FHOD3: variants seen among roughly 807,000 people sequenced by gnomAD.
FHOD3 encodes formin homology 2 domain containing 3.
FHOD3 carries 90 observed loss-of-function variants against 173.0 expected under a neutral mutation model. The observed-to-expected ratio is 0.52, with a 90% confidence interval of 0.44 to 0.62. The LOEUF is 0.62. Among genes scored for constraint, FHOD3 ranks in the 20% least tolerant of loss-of-function variants. The probability of loss-of-function intolerance (pLI) is 0.00; values close to 1 mark genes in which losing one functional copy is unlikely to be tolerated. For synonymous variants in FHOD3, 828 were observed against 823.0 expected (o/e 1.01, Z -0.10); for missense variants, 1,945 against 2,034.7 (o/e 0.96, Z 0.85).
chr18:36,691,947 A>C, intron 16 of FHOD3, among the ~76,000 whole-genome samples: 1 of 152,256 alleles, frequency 6.6e-6, no homozygotes, highest in East Asian at 1.9e-4. Flanking sequence ...TAAATATGCC[A>C]GGCAGTAAAT....
rs1395655861 is a variant in FHOD3, at chr18:36,516,163, G to A, written c.511+3620G>A. The stretch of plus-strand genomic sequence containing the variant: ...CTGCTGGCAGCCACTGGACATTTGC[G>A]ATCAAGAACAACCTTTGAATTACCT... On this transcript the variant is annotated intron_variant, in intron 5 of 28. Transcript: ENST00000590592. Among the ~76,000 whole-genome samples, 6 of 152,144 alleles carry A rather than the reference G, an allele frequency of 3.9e-5. No individual in the cohort carries two copies. The East Asian group carries it at 7.7e-4, about 20-fold the overall frequency.
chr18:36,631,380 T>C (rs1186425583), intron 10 of FHOD3, among the ~76,000 whole-genome samples: 2 of 152,230 alleles, frequency 1.3e-5, no homozygotes, highest in Non-Finnish European at 2.9e-5. Context: ...CATTGGCTCA[T>C]AGTAGGCACT....
At chr18:36,610,581 TC>T (rs2032570955) in intron 8 of FHOD3, among the ~76,000 whole-genome samples, 2 of 152,248 alleles carry the variant, frequency 1.3e-5, no homozygotes. Context: ...CAATTAGTTT[TC>T]ATTAGTTTCT....
At position 36,724,040 on chromosome 18, in the gene FHOD3, C is replaced by T. The variant is rs376042860; in HGVS notation, c.3417+5325C>T. Among the ~76,000 whole-genome samples, 26 of 152,328 alleles carry T rather than the reference C, an allele frequency of 1.7e-4. No individual in the cohort carries two copies. The East Asian group carries it at 4.2e-3, about 25-fold the overall frequency. On this transcript the variant is annotated intron_variant, in intron 19 of 28. Transcript: ENST00000590592. Reference sequence around the variant, plus strand: ...GTTGTGGTCACTCTTGCATGATGGTCACTCTTTTCCAATAACCATTCCAAA... The same window carrying T: ...GTTGTGGTCACTCTTGCATGATGGTTACTCTTTTCCAATAACCATTCCAAA...
chr18:36,715,587 G>A (rs1051066360), intron 18 of FHOD3, among the ~76,000 whole-genome samples: 4 of 152,190 alleles, frequency 2.6e-5, no homozygotes, highest in Non-Finnish European at 5.9e-5. Flanking sequence ...AGAAACAACA[G>A]TGAGCAAAAC....
chr18:36,530,464 G>A (rs2056736181), intron 5 of FHOD3, among the ~76,000 whole-genome samples: 1 of 152,180 alleles, frequency 6.6e-6, no homozygotes, highest in African/African-American at 2.4e-5. Context: ...TTGGCACAGA[G>A]GACTTGTGTT....
chr18:36,761,025 T>C (rs1028988253), intron 27 of FHOD3, among the ~76,000 whole-genome samples: 12 of 152,194 alleles, frequency 7.9e-5, no homozygotes, highest in Non-Finnish European at 7.3e-5. Flanking sequence ...GGGGATGACC[T>C]CCTGAGGGAG....
intron 14 of FHOD3, among the ~76,000 whole-genome samples, chr18:36,676,068 T>A (rs1041263901): frequency 6.6e-6 from 1 of 152,220 alleles, no homozygotes; most frequent in Admixed American, 6.5e-5. Flanking sequence ...ACAGAAAATT[T>A]TAGATAAATC....
chr18:36,739,062 A>G (rs1280650970), intron 20 of FHOD3, among the ~76,000 whole-genome samples: 2 of 152,170 alleles, frequency 1.3e-5, no homozygotes, highest in Non-Finnish European at 2.9e-5. Context: ...GATGGTGACA[A>G]AAGCAATCCT....
rs557712213 is a variant in FHOD3 at position 36,373,826 on chromosome 18, C to T, written c.337+1082C>T. On this transcript the variant is annotated intron_variant, in intron 3 of 28. Coordinates refer to ENST00000590592, the MANE Select transcript of FHOD3 (RefSeq NM_001281740.3). ...ATGTATATGGGCACTTATATTAAAT[C>T]GTGGCTTTTTTATTACCTGCTTCGT... Among the ~76,000 whole-genome samples the T allele has an allele frequency of 2.6e-5, 4 of 152,288 alleles. No individual in the cohort carries two copies. In the East Asian group the frequency reaches 5.8e-4, roughly 22 times the overall value.
intron 5 of FHOD3, among the ~76,000 whole-genome samples, chr18:36,550,389 T>G (rs1310431894): frequency 1.3e-5 from 2 of 151,776 alleles, no homozygotes; most frequent in African/African-American, 2.4e-5. Flanking sequence ...GTATAAGTCT[T>G]CCCATTCTGT....
At chr18:36,700,824 A>G (rs746213925) in intron 17 of FHOD3, among the ~76,000 whole-genome samples, 2 of 152,116 alleles carry the variant, frequency 1.3e-5, no homozygotes, top group African/African-American at 2.4e-5. Flanking sequence ...ATCCACACCA[A>G]ACCACAGTCA....
At chr18:36,629,599 G>A (rs2034363006) in intron 10 of FHOD3, among the ~76,000 whole-genome samples, 1 of 152,206 alleles carries the variant, frequency 6.6e-6, no homozygotes, top group Admixed American at 6.5e-5. Context: ...ATGGGGAACA[G>A]TATTCTTAGA....
In FHOD3 at chr18:36,649,408, A is replaced by G. The variant is rs1397307588; in HGVS notation, c.1286+3A>G. ...GCTTCCTGTCAGGGCAAGGACAGGT[A>G]CCTAGGACTGGAGCCTCCCAAGCTC... is the stretch of plus-strand genomic sequence containing the variant. On this transcript the variant is annotated splice_donor_region_variant and intron_variant, in intron 11 of 28. Transcript: ENST00000590592. The G allele has an allele frequency of 6.5e-7, 1 of 1,534,638 alleles. No individual in the cohort carries two copies. Among genetic ancestry groups the G allele is most frequent in the Non-Finnish European group, 8.7e-7 (1 of 1,145,994 alleles).
At position 36,674,524 on chromosome 18, in the gene FHOD3, G is replaced by A. The variant is rs118160824; in HGVS notation, c.1836-6912G>A. The stretch of plus-strand genomic sequence containing the variant: ...CCTCCCATGGCTCTTCCTGTTCACT[G>A]GTGAAGCTGCTTGTCAATTTTGATG... On this transcript the variant is annotated intron_variant, in intron 14 of 28. Coordinates refer to ENST00000590592, the MANE Select transcript of FHOD3 (RefSeq NM_001281740.3). Among the ~76,000 whole-genome samples, 107 of 152,252 alleles carry A rather than the reference G, an allele frequency of 7.0e-4. No homozygotes were observed. The East Asian group carries it at 0.019, about 28-fold the overall frequency.
At chr18:36,689,363 A>AG (rs1285577299) in intron 16 of FHOD3, among the ~76,000 whole-genome samples, 2 of 152,202 alleles carry the variant, frequency 1.3e-5, no homozygotes, top group African/African-American at 4.8e-5. Flanking sequence ...ACTCAGAAAA[A>AG]GACAGCCAGA....
chr18:36,767,094 T>A (rs1395481455), intron 27 of FHOD3, among the ~76,000 whole-genome samples: 3 of 152,144 alleles, frequency 2.0e-5, no homozygotes, highest in African/African-American at 7.2e-5. Context: ...ACCGTGACCA[T>A]TCTGAGAATG....
intron 3 of FHOD3, among the ~76,000 whole-genome samples, chr18:36,455,834 A>G (rs1432395175): frequency 6.6e-6 from 1 of 152,124 alleles, no homozygotes; most frequent in Non-Finnish European, 1.5e-5. Flanking sequence ...GAAGAGTGGC[A>G]TATTCATCTA....
chr18:36,551,088 TTTTA>T lies in FHOD3; in HGVS notation c.512-25359_512-25356del, dbSNP rs1481875455. On this transcript the variant is annotated intron_variant, in intron 5 of 28. Transcript: ENST00000590592. ...CCTTTATCAAGTTGAGGAAGTTTCC[TTTTA>T]TTTCTTGTTTGCTGAGAACAGGAAT... Among the ~76,000 whole-genome samples, 3 of 152,336 alleles carry T rather than the reference TTTTA, an allele frequency of 2.0e-5. No homozygotes were observed. The East Asian group carries it at 5.8e-4, about 29-fold the overall frequency.
Sources: allele counts gnomAD v4.1 joint callset (sites outside exome capture counted in the v4.1 genomes callset), GRCh38; gene constraint gnomAD v4.1.1; transcripts MANE v1.5; gene names NCBI Gene and HGNC (gene_info 2026-07-23, HGNC 2026-07-21).